The following ATAD2 variants were observed in gnomAD, a reference collection of about 807,000 sequenced individuals.
The protein encoded by ATAD2 is ATPase family AAA domain-containing protein 2.
In ATAD2, 62 loss-of-function variants were observed where a neutral mutation model predicts 168.9. That is an observed-to-expected ratio of 0.37 (90% confidence interval 0.30 to 0.45). The LOEUF is 0.45. Among genes scored for constraint, ATAD2 ranks in the 20% least tolerant of loss-of-function variants. The probability of loss-of-function intolerance (pLI) is 1.00; values close to 1 mark genes in which losing one functional copy is unlikely to be tolerated. For synonymous variants in ATAD2, 613 were observed against 571.6 expected (o/e 1.07, Z -1.03); for missense variants, 1,419 against 1,667.8 (o/e 0.85, Z 2.60).
chr8:123,321,277 T>G, intron 27 of ATAD2, 102 bp from the exon 28 acceptor site: 1 of 995,152 alleles, frequency 1.0e-6, no homozygotes, highest in Non-Finnish European at 1.5e-6. Context: ...AATATTAATA[T>G]TCAGGTATAT....
chr8:123,334,359 C>A, intron 22 of ATAD2, 37 bp from the exon 23 acceptor site: 1 of 1,459,144 alleles, frequency 6.9e-7, no homozygotes, highest in South Asian at 1.6e-5. Context: ...TTTAATTTCC[C>A]CCTTTTAATA....
chr8:123,385,411 T>C (rs1476820139), intron 1 of ATAD2, among the ~76,000 whole-genome samples: 1 of 152,210 alleles, frequency 6.6e-6, no homozygotes, highest in Non-Finnish European at 1.5e-5. Flanking sequence ...CTGCAGTGGA[T>C]ACAGGTAAAG....
intron 1 of ATAD2, among the ~76,000 whole-genome samples, chr8:123,385,227 C>T (rs1829614342): frequency 6.6e-6 from 1 of 151,762 alleles, no homozygotes; most frequent in Non-Finnish European, 1.5e-5. Context: ...GTAGACATTT[C>T]AAATAAATGG....
At chr8:123,335,767 G>T (rs1435930554) in intron 22 of ATAD2, among the ~76,000 whole-genome samples, 1 of 151,936 alleles carries the variant, frequency 6.6e-6, no homozygotes, top group Non-Finnish European at 1.5e-5. Context: ...GGGCTTTGGG[G>T]GTATCCACCA....
intron 1 of ATAD2, among the ~76,000 whole-genome samples, chr8:123,407,838 G>A (rs1409856993): frequency 1.0e-4 from 14 of 139,562 alleles, no homozygotes; most frequent in African/African-American, 3.5e-4. Flanking sequence ...GGGTGACGGA[G>A]TGAGACTCCG....
chr8:123,331,549 T>C (rs1395734673), intron 24 of ATAD2, among the ~76,000 whole-genome samples: 1 of 152,214 alleles, frequency 6.6e-6, no homozygotes, highest in Non-Finnish European at 1.5e-5. Context: ...TCTTTATTAT[T>C]ATTGTTTACA....
intron 5 of ATAD2, 80 bp downstream of exon 5, chr8:123,371,156 T>A: frequency 1.6e-6 from 2 of 1,223,300 alleles, no homozygotes; most frequent in Non-Finnish European, 2.3e-6. Context: ...AAAGTAGATA[T>A]TTAATGAAAA....
At chr8:123,370,531 C>T (rs145503368) in intron 6 of ATAD2, among the ~76,000 whole-genome samples, 1 of 152,214 alleles carries the variant, frequency 6.6e-6, no homozygotes, top group East Asian at 1.9e-4. Flanking sequence ...ATTTAAAATG[C>T]ATTTCAGAAA....
chr8:123,368,197 C>T (rs1034206417), intron 8 of ATAD2, among the ~76,000 whole-genome samples: 5 of 152,170 alleles, frequency 3.3e-5, no homozygotes, highest in African/African-American at 1.2e-4. Context: ...GCGAGTGGAT[C>T]ACTTGAGGTC....
At position 123,333,905 on chromosome 8, in the gene ATAD2, T is replaced by A. The variant is rs748346084; in HGVS notation, c.3451A>T (p.Ser1151Cys). 4.3e-6 allele frequency: 7 copies of A among 1,614,130 alleles called. No homozygotes were observed. Among genetic ancestry groups the A allele is most frequent in the Non-Finnish European group, 5.1e-6 (6 of 1,179,984 alleles). Reference sequence around the variant, plus strand: ...GGAGTGCTGCAAGCCACAGGAGTACTCGGTGTCTTTAGCTTTTCATTCTGC... The same window carrying A: ...GGAGTGCTGCAAGCCACAGGAGTACACGGTGTCTTTAGCTTTTCATTCTGC... ...PEQNEKLKTP[S>C]TPVACSTPAQ... The change falls in exon 24 of 28, where the codon AGT becomes TGT. Residue 1151 changes from serine to cysteine, a missense_variant. Coordinates refer to ENST00000287394, the MANE Select transcript of ATAD2 (RefSeq NM_014109.4).
chr8:123,380,714 T>C (rs1385618687), intron 1 of ATAD2, 37 bp from the exon 2 acceptor site: 1 of 1,578,790 alleles, frequency 6.3e-7, no homozygotes, highest in African/African-American at 1.4e-5. Context: ...TAAGTTTTTC[T>C]TTACAAAACT....
In ATAD2 at chr8:123,369,976, T is replaced by G; in HGVS notation, c.776A>C (p.Asp259Ala). The G allele has an allele frequency of 6.3e-7, 1 of 1,584,854 alleles. No individual in the cohort carries two copies. The highest frequency in any genetic ancestry group is 8.7e-7 in the Non-Finnish European group (1 of 1,156,016). The part of the protein sequence containing the change: ...EDQEHEDDGE[D>A]EDDEDDDDDD... ...ATCATCATCATCTTCATCATCTTCA[T>G]CTTCACCATCATCTTCATGTTCTTG... The change falls in exon 7 of 28, where the codon GAT becomes GCT. Residue 259 changes from aspartate to alanine, a missense_variant. Physicochemically the swap from Asp to Ala is moderately radical, Grantham distance 126. Transcript: ENST00000287394.
chr8:123,325,043 AT>A (rs200623147), intron 26 of ATAD2, among the ~76,000 whole-genome samples: 78 of 140,894 alleles, frequency 5.5e-4, no homozygotes, highest in African/African-American at 1.6e-3. Flanking sequence ...GACTTTGTCT[AT>A]TTTTTTTTTA....
rs992153283 is a variant in ATAD2, at chr8:123,396,213, G to C, written c.145C>G (p.Pro49Ala). 3.8e-6 allele frequency: 6 copies of C among 1,592,736 alleles called. No individual in the cohort carries two copies. The African/African-American group carries it at 5.4e-5, about 14-fold the overall frequency. Residue 49 changes from proline to alanine, a missense_variant, in exon 1 of 28, where the codon CCC (proline) becomes GCC (alanine). This residue lies in a region of ATAD2 where 419 missense variants were observed against 423.5 expected (regional missense o/e 0.99). Coordinates refer to ENST00000287394, the MANE Select transcript of ATAD2 (RefSeq NM_014109.4). ...CCCGCTTTGGCTGTGGTCGCCGCGG[G>C]TTTCTTCTGCGCCGCGCCGGCCGAG... ...LRSAGAAQKK[P>A]AATTAKAGDG...
chr8:123,391,485 G>GAAAAA (rs10563871), intron 1 of ATAD2, among the ~76,000 whole-genome samples: 1 of 33,872 alleles, frequency 3.0e-5, no homozygotes, highest in African/African-American at 1.1e-4. Context: ...GAGAAGTTTT[G>GAAAAA]AAAAAAAAAA....
chr8:123,410,552 G>GC (rs57628273), intron 1 of ATAD2, among the ~76,000 whole-genome samples: 104,222 of 152,056 alleles, frequency 0.69, 36,137 homozygotes, highest in East Asian at 0.97. Context: ...CTCCCAAAGT[G>GC]TGGGATTACA....
At chr8:123,383,758 A>G (rs1236143496) in intron 1 of ATAD2, among the ~76,000 whole-genome samples, 3 of 148,176 alleles carry the variant, frequency 2.0e-5, no homozygotes, top group Non-Finnish European at 4.5e-5. Flanking sequence ...GGGCAATAAG[A>G]GCAAAATTCA....
rs746576524 is a variant in ATAD2, at chr8:123,371,753, A to G, written c.453T>C (p.Asp151=). 3.1e-6 allele frequency: 5 copies of G among 1,613,554 alleles called. No individual in the cohort carries two copies. The South Asian group carries it at 3.3e-5, about 11-fold the overall frequency. ...STEHLHEDNG[D]VEVRRSCRIR... is the part of the protein sequence containing the mutation. ...TCCTACAACTTCGACGCACTTCAAC[A>G]TCACCATTATCTTCATGTAAGTGTT... Residue 151 remains aspartate (D), a synonymous_variant, in exon 4 of 28, where the codon GAT becomes GAC. Coordinates refer to ENST00000287394, the MANE Select transcript of ATAD2 (RefSeq NM_014109.4).
chr8:123,372,068 C>G (rs949788017), intron 3 of ATAD2, among the ~76,000 whole-genome samples: 1 of 152,160 alleles, frequency 6.6e-6, no homozygotes, highest in Non-Finnish European at 1.5e-5. Flanking sequence ...AATACAAAGA[C>G]TTGTACATGA....
Sources: gnomAD v4.1 joint callset for allele counts (sites outside exome capture counted in the v4.1 genomes callset) on GRCh38, gnomAD v4.1.1 for gene constraint, gnomAD v4.1.1 regional missense constraint, MANE v1.5 for transcripts, NCBI Gene and HGNC (gene_info 2026-07-23, HGNC 2026-07-21) for gene names.